CLIC5: variants seen among roughly 807,000 people sequenced by gnomAD.
CLIC5 encodes the protein CLIC family member 5.
A neutral mutation model predicts 24.7 loss-of-function variants in CLIC5; 20 were observed. The ratio of observed to expected loss-of-function variants is 0.81; its 90% confidence interval spans 0.57 to 1.18. CLIC5 has a LOEUF of 1.18. CLIC5 is among the 50% of genes most tolerant of loss of function. The probability of loss-of-function intolerance (pLI) is 0.00; values close to 1 mark genes in which losing one functional copy is unlikely to be tolerated. For missense variants in CLIC5, 341 were observed against 326.1 expected (o/e 1.05, Z -0.35); for synonymous variants, 159 against 135.6 (o/e 1.17, Z -1.20).
At chr6:46,033,324 C>T (rs1357392585) in intron 1 of CLIC5, among the ~76,000 whole-genome samples, 2 of 151,632 alleles carry the variant, frequency 1.3e-5, no homozygotes, top group Admixed American at 1.3e-4. Flanking sequence ...TGTATGCAGA[C>T]TTATTTTCTT....
downstream of CLIC5, among the ~76,000 whole-genome samples, chr6:45,895,873 T>C (rs1262759680): frequency 6.6e-6 from 1 of 152,212 alleles, no homozygotes; most frequent in Admixed American, 6.5e-5. Flanking sequence ...GCATTTGTAT[T>C]ATGCATCTCA....
chr6:45,903,079 T>C lies in CLIC5; in HGVS notation c.*9A>G. The C allele has an allele frequency of 6.2e-7, 1 of 1,613,862 alleles. No homozygotes were observed. The highest frequency in any genetic ancestry group is 8.5e-7 in the Non-Finnish European group (1 of 1,179,938). On this transcript the variant is annotated 3_prime_UTR_variant, in exon 6 of 6. Transcript: ENST00000339561. Reference sequence around the variant, plus strand: ...CTTCTGCAGCGGGGATGGGGCAAAATGGCTGTGCTCAGGATCGGCTGAGGC... The same window carrying C: ...CTTCTGCAGCGGGGATGGGGCAAAACGGCTGTGCTCAGGATCGGCTGAGGC...
At chr6:45,991,192 C>T (rs1305475348) in intron 1 of CLIC5, among the ~76,000 whole-genome samples, 2 of 152,184 alleles carry the variant, frequency 1.3e-5, no homozygotes, top group African/African-American at 4.8e-5. Flanking sequence ...GTTATCAAGG[C>T]CTAAATCAGT....
rs200432038 is a variant in CLIC5 at position 45,928,795 on chromosome 6, T to TGTGTGTGTGTGTGTGG, written c.406+12751_406+12752insCCACACACACACACAC. ...GTGTGTGTGTGTGTGTGTGTGTGTGTAGAGAGAGAGAGATTGAGAAACGTA... is the reference window on the plus strand; with the variant it reads ...GTGTGTGTGTGTGTGTGTGTGTGTGTGTGTGTGTGTGTGTGGAGAGAGAGAGAGATTGAGAAACGTA... On this transcript the variant is annotated intron_variant, in intron 4 of 5. Coordinates refer to ENST00000339561, the MANE Select transcript of CLIC5 (RefSeq NM_016929.5). Among the ~76,000 whole-genome samples the TGTGTGTGTGTGTGTGG allele has an allele frequency of 3.4e-3, 499 of 148,476 alleles. 6 individuals are homozygous for TGTGTGTGTGTGTGTGG. The highest frequency in any genetic ancestry group is 0.012 in the African/African-American group (467 of 39,810).
At chr6:45,964,336 C>T (rs1178070566) in intron 1 of CLIC5, among the ~76,000 whole-genome samples, 1 of 152,192 alleles carries the variant, frequency 6.6e-6, no homozygotes, top group Non-Finnish European at 1.5e-5. Flanking sequence ...ATTTCCAATC[C>T]CGTATGTCCT....
chr6:45,938,771 A>C (rs1182140945), intron 4 of CLIC5, among the ~76,000 whole-genome samples: 2 of 152,230 alleles, frequency 1.3e-5, no homozygotes, highest in East Asian at 3.8e-4. Context: ...TGGAGGGCTC[A>C]AATGAGATAA....
chr6:45,890,647 A>C (rs144944351), intron 6 of CLIC5, among the ~76,000 whole-genome samples: 14 of 152,348 alleles, frequency 9.2e-5, no homozygotes, highest in Admixed American at 4.6e-4. Context: ...TAGCCAAGAT[A>C]TGGAAACAAC....
At chr6:45,906,162 T>G (rs1762653687) in intron 5 of CLIC5, among the ~76,000 whole-genome samples, 1 of 152,214 alleles carries the variant, frequency 6.6e-6, no homozygotes, top group South Asian at 2.1e-4. Context: ...CCAGCTTTGT[T>G]CTTTTTGCGT....
At chr6:45,949,200 T>G in intron 3 of CLIC5, 56 bp downstream of exon 3, 1 of 1,570,362 alleles carries the variant, frequency 6.4e-7, no homozygotes, top group Non-Finnish European at 8.6e-7. Context: ...CAGGACTTTA[T>G]AGATCCAGCA....
At chr6:46,016,267 C>G (rs1417646354), upstream of CLIC5, among the ~76,000 whole-genome samples, 1 of 152,070 alleles carries the variant, frequency 6.6e-6, no homozygotes, top group Non-Finnish European at 1.5e-5. Flanking sequence ...TCTTCTGTTT[C>G]TTTAATAAAG....
chr6:46,001,412 G>T (rs1009830887), intron 1 of CLIC5, among the ~76,000 whole-genome samples: 1 of 152,172 alleles, frequency 6.6e-6, no homozygotes, highest in Non-Finnish European at 1.5e-5. Context: ...CACTTGAACT[G>T]AACCCCAACT....
At chr6:46,017,453 T>C (rs529325579), upstream of CLIC5, among the ~76,000 whole-genome samples, 3 of 152,322 alleles carry the variant, frequency 2.0e-5, no homozygotes, top group East Asian at 3.9e-4. Flanking sequence ...CATGAAGTAT[T>C]TAAGTAACTT....
At chr6:46,066,733 GA>G (rs1052741697) in intron 1 of CLIC5, among the ~76,000 whole-genome samples, 2 of 152,190 alleles carry the variant, frequency 1.3e-5, no homozygotes, top group African/African-American at 4.8e-5. Flanking sequence ...AATGAGGTAA[GA>G]GGTGCTAAAA....
At chr6:45,965,902 A>T (rs1765001888) in intron 1 of CLIC5, among the ~76,000 whole-genome samples, 1 of 152,166 alleles carries the variant, frequency 6.6e-6, no homozygotes. Flanking sequence ...TATAATCCTC[A>T]TACCAAACAA....
chr6:45,908,349 T>C (rs1161978323), intron 5 of CLIC5, among the ~76,000 whole-genome samples: 1 of 152,212 alleles, frequency 6.6e-6, no homozygotes, highest in Non-Finnish European at 1.5e-5. Flanking sequence ...TTCTAGTTCC[T>C]CTAGGTGTGA....
upstream of CLIC5, among the ~76,000 whole-genome samples, chr6:46,080,690 A>G (rs1427390012): frequency 6.6e-6 from 1 of 152,208 alleles, no homozygotes; most frequent in Non-Finnish European, 1.5e-5. Flanking sequence ...GAGAGCTACA[A>G]TTCTTCACAA....
At chr6:45,881,061 A>G (rs1419990174) in exon 7 of CLIC5, 1 of 398,450 alleles carries the variant, frequency 2.5e-6, no homozygotes. Context: ...AGTACAGACA[A>G]TGAGTTCCAC....
intron 1 of CLIC5, among the ~76,000 whole-genome samples, chr6:46,053,136 C>T (rs977886253): frequency 2.6e-5 from 4 of 152,056 alleles, no homozygotes; most frequent in Non-Finnish European, 4.4e-5. Flanking sequence ...GAAGGGTCAA[C>T]CTCCAACTAA....
intron 3 of CLIC5, among the ~76,000 whole-genome samples, chr6:45,943,982 G>A (rs893305549): frequency 1.3e-5 from 2 of 152,122 alleles, no homozygotes; most frequent in Admixed American, 6.5e-5. Flanking sequence ...CATATTTATG[G>A]CGTGTTTTAA....
Sources: allele counts gnomAD v4.1 joint callset (sites outside exome capture counted in the v4.1 genomes callset), GRCh38; gene constraint gnomAD v4.1.1; transcripts MANE v1.5; gene names NCBI Gene and HGNC (gene_info 2026-07-23, HGNC 2026-07-21).